Variants in NR2F1 observed in about 807,000 individuals in gnomAD.
NR2F1 encodes COUP transcription factor 1.
Under a neutral mutation model 37.7 loss-of-function variants are expected in NR2F1, and 1 was observed. The ratio of observed to expected loss-of-function variants is 0.03; its 90% CI spans 0.01 to 0.13. NR2F1 has a LOEUF of 0.13. Ranked by LOEUF, NR2F1 falls within the 10% of genes least tolerant of loss-of-function variation. The pLI is 1.00. For synonymous variants in NR2F1, 275 were observed against 259.6 expected, an observed-to-expected ratio of 1.06 and a Z score of -0.57; for missense variants, 268 against 578.4, an observed-to-expected ratio of 0.46 and a Z score of 5.50.
chr5:93,590,046 T>G (rs1753304498), intron 2 of NR2F1, among the ~76,000 whole-genome samples: 1 of 152,272 alleles, frequency 6.6e-6, no homozygotes, highest in African/African-American at 2.4e-5. Context: ...TTAATAAGTC[T>G]TCTTGATGGA....
At chr5:93,588,686 C>A (rs1310634958) in intron 2 of NR2F1, among the ~76,000 whole-genome samples, 4 of 151,056 alleles carry the variant, frequency 2.6e-5, no homozygotes, top group African/African-American at 9.7e-5. Context: ...GGCGGGCGGC[C>A]GGGCCTAGTC....
In NR2F1 at chr5:93,588,428, C is replaced by G; in HGVS notation, c.975C>G (p.Ile325Met). 6.2e-7 allele frequency: 1 copy of G among 1,606,360 alleles called. No individual in the cohort carries two copies. The highest frequency in any genetic ancestry group is 8.5e-7 in the Non-Finnish European group (1 of 1,175,264). The stretch of plus-strand genomic sequence containing the variant: ...CCGAGTACAGCTGCCTCAAAGCCAT[C>G]GTGCTGTTCACGTCAGGTGAGGCTG... ...DSAEYSCLKA[I>M]VLFTSDACGL... Residue 325 changes from isoleucine (I) to methionine (M), a missense_variant, in exon 2 of 3, where the codon ATC (isoleucine) becomes ATG (methionine). Transcript: ENST00000327111.
Position 93,593,308 on chromosome 5 carries a change from T to TC in NR2F1, c.992-253dup, listed in dbSNP as rs1753365155. Among the ~76,000 whole-genome samples the TC allele has an allele frequency of 6.6e-6, 1 of 152,022 alleles. No individual in the cohort carries two copies. The highest frequency in any genetic ancestry group is 2.1e-4 in the South Asian group (1 of 4,810). On this transcript the variant is annotated intron_variant, in intron 2 of 2. Coordinates refer to ENST00000327111, the MANE Select transcript of NR2F1 (RefSeq NM_005654.6). The surrounding 1 kb of genome is among the most constrained non-coding windows in gnomAD (Gnocchi z 5.6). ...GTTTCTGCCTCTGCATGTGTGTGCCTCTCTCTCCAGCTCCCCTAGGCTTGG... is the reference window on the plus strand; with the variant it reads ...GTTTCTGCCTCTGCATGTGTGTGCCTCCTCTCTCCAGCTCCCCTAGGCTTGG...
At chr5:93,586,631 C>G (rs1295598806) in intron 1 of NR2F1, among the ~76,000 whole-genome samples, 5 of 151,896 alleles carry the variant, frequency 3.3e-5, no homozygotes, top group Non-Finnish European at 5.9e-5. Context: ...ATTTTATATG[C>G]CACAAGAAAA....
chr5:93,584,727 G>T lies in NR2F1; in HGVS notation c.-297G>T, dbSNP rs1310147836. On this transcript the variant is annotated 5_prime_UTR_variant, in exon 1 of 3. Coordinates refer to ENST00000327111, the MANE Select transcript of NR2F1 (RefSeq NM_005654.6). ...GGGGGGGAGCCTGAGAGCCTGGGGG[G>T]GCTGCAAAAAGAGAGAAAGAAAACA... The T allele has an allele frequency of 6.6e-5, 10 of 150,456 alleles. No homozygotes were observed. The highest frequency in any genetic ancestry group is 3.6e-4 in the South Asian group (2 of 5,616). The allele number at this position is 150,456 out of a possible 1,614,324, so 9.3% of individuals were successfully genotyped here.
rs1388835206 is a variant in NR2F1, at chr5:93,583,397, C to T, written c.-1627C>T. The T allele has an allele frequency of 6.6e-6, 1 of 150,906 alleles. No individual in the cohort carries two copies. The highest frequency in any genetic ancestry group is 6.6e-5 in the Admixed American group (1 of 15,126). The allele number at this position is 150,906 out of a possible 1,614,324, so 9.3% of individuals were successfully genotyped here. ...TCTCTCCTCTCTTCTCTGAACCTCT[C>T]TTCTCTTTCTCTTTTCTTACATATT... On this transcript the variant is annotated 5_prime_UTR_variant, in exon 1 of 3. Transcript: ENST00000327111.
In NR2F1 at chr5:93,584,961, C is replaced by T; in HGVS notation, c.-63C>T. The T allele has an allele frequency of 1.4e-6, 1 of 715,014 alleles. No homozygotes were observed. The highest frequency in any genetic ancestry group is 1.7e-6 in the Non-Finnish European group (1 of 585,244). 44.3% of individuals were successfully genotyped at this position (715,014 alleles called of 1,614,324 possible). ...CTTCCCCTTCCCCTCCCAGCGCGCC[C>T]GCGCGCCCCGCGGCCCTCGGCGAGC... On this transcript the variant is annotated 5_prime_UTR_variant, in exon 1 of 3. Coordinates refer to ENST00000327111, the MANE Select transcript of NR2F1 (RefSeq NM_005654.6).
rs1753163520 is a variant in NR2F1 at position 93,583,427 on chromosome 5, T to C, written c.-1597T>C. On this transcript the variant is annotated 5_prime_UTR_variant, in exon 1 of 3. Coordinates refer to ENST00000327111, the MANE Select transcript of NR2F1 (RefSeq NM_005654.6). ...CTTTCTCTTTTCTTACATATTCTAC[T>C]AGTTGTTTTCCCCTTCTTCTTCTCC... is the stretch of plus-strand genomic sequence containing the variant. The C allele has an allele frequency of 6.6e-6, 1 of 151,746 alleles. No individual in the cohort carries two copies. Among genetic ancestry groups the C allele is most frequent in the African/African-American group, 2.4e-5 (1 of 41,220 alleles). The allele number at this position is 151,746 out of a possible 1,614,324, so 9.4% of individuals were successfully genotyped here.
At chr5:93,586,891 A>C (rs932403175) in intron 1 of NR2F1, among the ~76,000 whole-genome samples, 1 of 152,200 alleles carries the variant, frequency 6.6e-6, no homozygotes, top group Non-Finnish European at 1.5e-5. Flanking sequence ...AATAGAACAA[A>C]ACCTGAAATA....
chr5:93,589,147 G>C (rs560445421), intron 2 of NR2F1, among the ~76,000 whole-genome samples: 1 of 152,150 alleles, frequency 6.6e-6, no homozygotes, highest in Non-Finnish European at 1.5e-5. Context: ...TGTAGAACCC[G>C]CAAGTATGGG....
intron 2 of NR2F1, among the ~76,000 whole-genome samples, chr5:93,592,449 C>CT (rs1239057835): frequency 6.6e-6 from 1 of 152,002 alleles, no homozygotes; most frequent in African/African-American, 2.4e-5. Flanking sequence ...CTCCATTCCT[C>CT]TTATTCCATC....
At chr5:93,585,614 T>A in intron 1 of NR2F1, 128 bp downstream of exon 1, 1 of 742,946 alleles carries the variant, frequency 1.3e-6, no homozygotes, top group South Asian at 1.8e-5. Flanking sequence ...CCAGCTTTCC[T>A]TCTCCCGGCT....
intron 2 of NR2F1, among the ~76,000 whole-genome samples, chr5:93,591,551 C>A (rs1287381554): frequency 6.6e-6 from 1 of 152,194 alleles, no homozygotes; most frequent in Non-Finnish European, 1.5e-5. Flanking sequence ...AGGACCCAGG[C>A]AGGCCTTTCC....
rs1031515502 is a variant in NR2F1 at position 93,583,486 on chromosome 5, T to G, written c.-1538T>G. On this transcript the variant is annotated 5_prime_UTR_variant, in exon 1 of 3. Coordinates refer to ENST00000327111, the MANE Select transcript of NR2F1 (RefSeq NM_005654.6). ...CTTTTTCTCCCTCCTCCTTGTCTCT[T>G]TTACTCCATTCCTGCAGAAGAGAGA... is the stretch of plus-strand genomic sequence containing the variant. 6.6e-6 allele frequency: 1 copy of G among 151,940 alleles called. No individual in the cohort carries two copies. The highest frequency in any genetic ancestry group is 2.4e-5 in the African/African-American group (1 of 41,282). The allele number at this position is 151,940 out of a possible 1,614,324, so 9.4% of individuals were successfully genotyped here. A position where few individuals can be genotyped will look rare whatever the true frequency, so the allele number is the denominator to read the frequency against.
chr5:93,585,084 G>C lies in NR2F1; in HGVS notation c.61G>C (p.Gly21Arg). The C allele has an allele frequency of 9.8e-7, 1 of 1,021,186 alleles. No individual in the cohort carries two copies. Among genetic ancestry groups the C allele is most frequent in the African/African-American group, 1.7e-5 (1 of 57,418 alleles). 63.3% of individuals were successfully genotyped at this position (1,021,186 alleles called of 1,614,324 possible). A position where few individuals can be genotyped will look rare whatever the true frequency, so the allele number is the denominator to read the frequency against. ...PQDDVAGGNP[G>R]GPNPAAQAAR... ...GGACGACGTGGCCGGGGGCAACCCC[G>C]GCGGCCCCAACCCCGCAGCGCAGGC... Residue 21 changes from glycine (G) to arginine (R), a missense_variant, in exon 1 of 3, where the codon GGC (glycine) becomes CGC (arginine). Coordinates refer to ENST00000327111, the MANE Select transcript of NR2F1 (RefSeq NM_005654.6).
chr5:93,592,077 T>G (rs1753340658), intron 2 of NR2F1: 1 of 152,202 alleles, frequency 6.6e-6, no homozygotes, highest in African/African-American at 2.4e-5. Context: ...CTAGTTTTAT[T>G]TGTATTTTTG....
chr5:93,591,275 A>T (rs557489150), intron 2 of NR2F1, among the ~76,000 whole-genome samples: 35 of 152,368 alleles, frequency 2.3e-4, no homozygotes, highest in African/African-American at 8.2e-4. Context: ...TAACTCATGG[A>T]GCATAAATAT....
chr5:93,586,218 G>T (rs1169033290), intron 1 of NR2F1, among the ~76,000 whole-genome samples: 1 of 152,106 alleles, frequency 6.6e-6, no homozygotes, highest in Admixed American at 6.5e-5. Context: ...TTTCATAGTT[G>T]TGTCATTTTT....
chr5:93,589,739 G>C (rs1398783807), intron 2 of NR2F1, among the ~76,000 whole-genome samples: 2 of 152,248 alleles, frequency 1.3e-5, no homozygotes, highest in Non-Finnish European at 2.9e-5. Flanking sequence ...TTTCATGTGT[G>C]AAGAATTGTA....
Sources: allele counts gnomAD v4.1 joint callset (sites outside exome capture counted in the v4.1 genomes callset), GRCh38; gene constraint gnomAD v4.1.1; non-coding constraint Gnocchi (gnomAD v3.1); transcripts MANE v1.5; gene names NCBI Gene and HGNC (gene_info 2026-07-23, HGNC 2026-07-21).